The following CREB5 variants were observed in gnomAD, a reference collection of about 807,000 sequenced individuals.
CREB5 encodes the protein cyclic AMP-responsive element-binding protein 5.
CREB5 carries 19 observed loss-of-function variants against 57.1 expected under a neutral mutation model. That is an observed-to-expected ratio of 0.33 (90% CI 0.23 to 0.49). CREB5 has a LOEUF of 0.49. CREB5 is among the 20% of genes least tolerant of loss of function. The pLI, the probability that CREB5 is intolerant of heterozygous loss-of-function variation, is 0.99. For missense variants in CREB5, 579 were observed against 671.6 expected (o/e 0.86, Z 1.52); for synonymous variants, 238 against 238.3 (o/e 1.00, Z 0.01).
intron 5 of CREB5, among the ~76,000 whole-genome samples, chr7:28,698,438 C>T (rs550201608): frequency 4.9e-4 from 74 of 151,978 alleles, no homozygotes; most frequent in Non-Finnish European, 8.1e-4. Flanking sequence ...AGAAAATAAC[C>T]CCACGACTCA....
intron 5 of CREB5, among the ~76,000 whole-genome samples, chr7:28,633,490 T>C (rs1022765646): frequency 5.9e-5 from 9 of 152,166 alleles, no homozygotes; most frequent in Non-Finnish European, 7.3e-5. Flanking sequence ...CTATATCTCA[T>C]TCAGAGAAAA....
At chr7:28,501,014 AC>A (rs1272277647) in intron 3 of CREB5, among the ~76,000 whole-genome samples, 1 of 152,044 alleles carries the variant, frequency 6.6e-6, no homozygotes, top group Admixed American at 6.5e-5. Flanking sequence ...CTTCCCTTAT[AC>A]CAGTCATTGC....
intron 1 of CREB5, among the ~76,000 whole-genome samples, chr7:28,475,568 T>C (rs536698862): frequency 2.6e-5 from 4 of 151,872 alleles, no homozygotes; most frequent in Middle Eastern, 6.8e-3. Flanking sequence ...GAAAAGAAGA[T>C]TTGGCTTTTT....
chr7:28,803,755 C>CAAA (rs562078960), intron 7 of CREB5, among the ~76,000 whole-genome samples: 4 of 79,788 alleles, frequency 5.0e-5, no homozygotes, highest in Non-Finnish European at 9.8e-5. Context: ...GACTCCATCT[C>CAAA]AAAAAAAAAA....
chr7:28,791,939 A>T (rs2128791875), intron 7 of CREB5, among the ~76,000 whole-genome samples: 1 of 152,296 alleles, frequency 6.6e-6, no homozygotes, highest in Admixed American at 6.5e-5. Context: ...ATTGAATTGT[A>T]CACCATAAAG....
At chr7:28,735,384 C>T (rs2128753462) in intron 7 of CREB5, among the ~76,000 whole-genome samples, 1 of 152,246 alleles carries the variant, frequency 6.6e-6, no homozygotes, top group Non-Finnish European at 1.5e-5. Flanking sequence ...TCACAATGTT[C>T]TGAGGTAGGA....
At chr7:28,480,072 G>C (rs760712030) in intron 1 of CREB5, among the ~76,000 whole-genome samples, 17 of 151,490 alleles carry the variant, frequency 1.1e-4, no homozygotes, top group Non-Finnish European at 1.5e-4. Flanking sequence ...TGTGTGAAAA[G>C]AAAACTAAGA....
intron 4 of CREB5, among the ~76,000 whole-genome samples, chr7:28,538,973 T>C (rs981074328): frequency 1.3e-5 from 2 of 152,236 alleles, no homozygotes; most frequent in Middle Eastern, 3.2e-3. Flanking sequence ...ATGATTTTAA[T>C]TCTCTGCTGT....
chr7:28,571,318 T>G (rs901504792), intron 5 of CREB5, among the ~76,000 whole-genome samples: 1 of 152,184 alleles, frequency 6.6e-6, no homozygotes, highest in Non-Finnish European at 1.5e-5. Context: ...GGGACCACCA[T>G]ATTTCCACAG....
At chr7:28,775,542 C>CTATATATATATATA in intron 7 of CREB5, among the ~76,000 whole-genome samples, 1 of 54,826 alleles carries the variant, frequency 1.8e-5, no homozygotes, top group South Asian at 6.3e-4. Context: ...TATTCCTTAG[C>CTATATATATATATA]CATATATATA....
At chr7:28,353,471 G>T (rs917588873) in intron 1 of CREB5, among the ~76,000 whole-genome samples, 6 of 152,302 alleles carry the variant, frequency 3.9e-5, no homozygotes, top group Middle Eastern at 3.4e-3. Flanking sequence ...TGAAGAACAA[G>T]GAAGACTAGC....
At chr7:28,336,421 T>C (rs968482262) in intron 1 of CREB5, among the ~76,000 whole-genome samples, 1 of 152,086 alleles carries the variant, frequency 6.6e-6, no homozygotes, top group East Asian at 1.9e-4. Flanking sequence ...GGTTCAATCT[T>C]GGTAGGTTGT....
chr7:28,695,067 A>T (rs1339034323), intron 5 of CREB5, among the ~76,000 whole-genome samples: 1 of 152,142 alleles, frequency 6.6e-6, no homozygotes, highest in Admixed American at 6.5e-5. Context: ...TCTACAAAAA[A>T]AATTAAAAAA....
rs1393921295 is a variant in CREB5, at chr7:28,561,007, T to C, written c.292-9358T>C. 5.2e-4 allele frequency among the ~76,000 whole-genome samples: 23 copies of C among 44,066 alleles called. 3 individuals are homozygous for C. Among genetic ancestry groups the C allele is most frequent in the Non-Finnish European group, 7.6e-4 (18 of 23,768 alleles). 28.9% of individuals were successfully genotyped at this position (44,066 alleles called of 152,430 possible). A position where few individuals can be genotyped will look rare whatever the true frequency, so the allele number is the denominator to read the frequency against. On this transcript the variant is annotated intron_variant, in intron 4 of 10. Transcript: ENST00000357727. ...GTGCGTGTGTGTGCCTGCGTGTGCG[T>C]GTGTGTGTGCGTGTGTGCGTGTGTG...
intron 1 of CREB5, among the ~76,000 whole-genome samples, chr7:28,393,175 C>A (rs899066405): frequency 6.6e-6 from 1 of 152,202 alleles, no homozygotes; most frequent in African/African-American, 2.4e-5. Flanking sequence ...GATCCACCCA[C>A]CTTGACCTCC....
intron 5 of CREB5, among the ~76,000 whole-genome samples, chr7:28,709,896 G>A (rs1802318700): frequency 6.6e-6 from 1 of 152,204 alleles, no homozygotes; most frequent in African/African-American, 2.4e-5. Flanking sequence ...GAGATGTTTA[G>A]TTGACCACAG....
At chr7:28,751,788 A>AT (rs896146209) in intron 7 of CREB5, among the ~76,000 whole-genome samples, 4 of 152,030 alleles carry the variant, frequency 2.6e-5, no homozygotes, top group Non-Finnish European at 5.9e-5. Context: ...ATATTTCCCT[A>AT]TTTTTTTCAC....
chr7:28,732,973 T>C (rs952123804), intron 7 of CREB5, among the ~76,000 whole-genome samples: 5 of 152,214 alleles, frequency 3.3e-5, no homozygotes, highest in African/African-American at 7.2e-5. Flanking sequence ...TTGTACTAAA[T>C]GATTGTTGTA....
chr7:28,764,532 C>T (rs774093626), intron 7 of CREB5, among the ~76,000 whole-genome samples: 5 of 152,018 alleles, frequency 3.3e-5, no homozygotes, highest in Non-Finnish European at 5.9e-5. Flanking sequence ...TGCAAATATT[C>T]GTGTTGGATG....
Sources: allele counts gnomAD v4.1 joint callset (sites outside exome capture counted in the v4.1 genomes callset), GRCh38; gene constraint gnomAD v4.1.1; transcripts MANE v1.5; gene names NCBI Gene and HGNC (gene_info 2026-07-23, HGNC 2026-07-21).